The following CNTNAP2 variants were observed in gnomAD, a reference collection of about 807,000 sequenced individuals.
CNTNAP2 encodes contactin-associated protein-like 2.
Under a neutral mutation model 155.2 loss-of-function variants are expected in CNTNAP2, and 98 were observed. That is an observed-to-expected ratio of 0.63 (90% CI 0.54 to 0.75). The LOEUF (loss-of-function observed/expected upper bound fraction) is 0.75. CNTNAP2 is among the 30% of genes least tolerant of loss of function. CNTNAP2 has a pLI of 0.00. For missense variants in CNTNAP2, 1,727 were observed against 1,688.1 expected (o/e 1.02, Z -0.40); for synonymous variants, 651 against 631.2 (o/e 1.03, Z -0.47).
chr7:146,775,599 G>A lies in CNTNAP2; in HGVS notation c.208+1218G>A, dbSNP rs926410627. 4.6e-5 allele frequency among the ~76,000 whole-genome samples: 7 copies of A among 150,696 alleles called. No homozygotes were observed. In the East Asian group the frequency reaches 1.2e-3, roughly 25 times the overall value. On this transcript the variant is annotated intron_variant, in intron 2 of 23. Coordinates refer to ENST00000361727, the MANE Select transcript of CNTNAP2 (RefSeq NM_014141.6). ...GAAAGGGAGGGAGGGAGAGAGGAAG[G>A]AAGAAAGGAAGGAAGGAAGGAAGGA...
intron 21 of CNTNAP2, chr7:148,339,698 G>A (rs1387707001): frequency 6.6e-6 from 1 of 152,384 alleles, no homozygotes; most frequent in Admixed American, 6.5e-5. Flanking sequence ...TTGCAAGGGT[G>A]CGCTGCTCCA....
At chr7:146,931,957 C>A (rs1438257511) in intron 3 of CNTNAP2, among the ~76,000 whole-genome samples, 2 of 151,788 alleles carry the variant, frequency 1.3e-5, no homozygotes, top group Non-Finnish European at 2.9e-5. Context: ...AGCTTACCAA[C>A]CAAAAAGAGT....
intron 8 of CNTNAP2, among the ~76,000 whole-genome samples, chr7:147,173,851 G>A (rs13237218): frequency 0.082 from 12,513 of 152,210 alleles, 545 homozygotes; most frequent in Middle Eastern, 0.11. Context: ...GGCACCTGAG[G>A]TGGTTCTGAC....
At chr7:147,645,149 G>GT (rs1261890597) in intron 13 of CNTNAP2, among the ~76,000 whole-genome samples, 2 of 152,134 alleles carry the variant, frequency 1.3e-5, no homozygotes, top group Non-Finnish European at 2.9e-5. Context: ...AAAGTAAGCT[G>GT]TGTAAAATTC....
intron 6 of CNTNAP2, among the ~76,000 whole-genome samples, chr7:147,126,001 C>T (rs1801226119): frequency 6.6e-6 from 1 of 152,174 alleles, no homozygotes; most frequent in South Asian, 2.1e-4. Context: ...TAACATTTCA[C>T]TTTGCACTTC....
intron 15 of CNTNAP2, among the ~76,000 whole-genome samples, chr7:147,993,340 T>G (rs902126725): frequency 6.6e-6 from 1 of 152,248 alleles, no homozygotes; most frequent in Non-Finnish European, 1.5e-5. Context: ...GGTATCTTTA[T>G]TTATTCTTTA....
At chr7:146,502,558 T>C (rs1321776683) in intron 1 of CNTNAP2, among the ~76,000 whole-genome samples, 1 of 152,100 alleles carries the variant, frequency 6.6e-6, no homozygotes, top group African/African-American at 2.4e-5. Flanking sequence ...TATTATTTTC[T>C]GTCTTTTTGA....
intron 8 of CNTNAP2, among the ~76,000 whole-genome samples, chr7:147,179,699 A>C (rs908172954): frequency 1.1e-4 from 16 of 152,308 alleles, no homozygotes; most frequent in African/African-American, 3.8e-4. Context: ...GCCTATATTA[A>C]GTAGTTGGTA....
At chr7:148,193,720 A>T (rs1228833428) in intron 18 of CNTNAP2, among the ~76,000 whole-genome samples, 1 of 151,826 alleles carries the variant, frequency 6.6e-6, no homozygotes, top group African/African-American at 2.4e-5. Flanking sequence ...TCCTTATCTG[A>T]CCTTACCTCT....
chr7:147,111,903 A>G (rs956466008), intron 5 of CNTNAP2, among the ~76,000 whole-genome samples: 2 of 152,184 alleles, frequency 1.3e-5, no homozygotes, highest in Admixed American at 6.5e-5. Flanking sequence ...TCTCTGAAGA[A>G]TGGTCAATGG....
intron 8 of CNTNAP2, among the ~76,000 whole-genome samples, chr7:147,157,047 A>G (rs902684923): frequency 1.3e-5 from 2 of 152,108 alleles, no homozygotes; most frequent in Non-Finnish European, 1.5e-5. Flanking sequence ...GTCTCCAGGC[A>G]TGGCTTTTTG....
chr7:146,506,660 C>A (rs1021640334), intron 1 of CNTNAP2, among the ~76,000 whole-genome samples: 2 of 152,198 alleles, frequency 1.3e-5, no homozygotes, highest in African/African-American at 4.8e-5. Context: ...CTAGCTAATT[C>A]TGTAACTTTC....
intron 1 of CNTNAP2, among the ~76,000 whole-genome samples, chr7:146,283,224 A>T (rs1584846894): frequency 6.6e-6 from 1 of 152,240 alleles, no homozygotes; most frequent in South Asian, 2.1e-4. Context: ...AAACTTAAAA[A>T]CATCAAATAT....
chr7:146,992,579 C>T (rs1254379665), intron 3 of CNTNAP2, among the ~76,000 whole-genome samples: 1 of 152,102 alleles, frequency 6.6e-6, no homozygotes, highest in Non-Finnish European at 1.5e-5. Flanking sequence ...CAGGCTCCTG[C>T]CCCCTGCAAA....
intron 1 of CNTNAP2, among the ~76,000 whole-genome samples, chr7:146,404,799 C>A (rs1180134547): frequency 6.6e-6 from 1 of 152,056 alleles, no homozygotes; most frequent in Admixed American, 6.5e-5. Flanking sequence ...GGCTTCAAAG[C>A]CTCCCAAACT....
intron 10 of CNTNAP2, among the ~76,000 whole-genome samples, chr7:147,442,961 C>T (rs778200485): frequency 1.5e-4 from 23 of 152,204 alleles, no homozygotes; most frequent in Middle Eastern, 6.8e-3. Flanking sequence ...GTTAGTTGTA[C>T]AGCCTGGAAT....
intron 15 of CNTNAP2, among the ~76,000 whole-genome samples, chr7:148,052,070 C>G (rs1047813804): frequency 6.8e-6 from 1 of 146,328 alleles, no homozygotes; most frequent in African/African-American, 2.5e-5. Flanking sequence ...ACCCAGGAGG[C>G]GGAGCTTGCA....
At chr7:148,084,352 T>G in intron 15 of CNTNAP2, among the ~76,000 whole-genome samples, 1 of 152,274 alleles carries the variant, frequency 6.6e-6, no homozygotes, top group East Asian at 1.9e-4. Flanking sequence ...GAGCAGATCT[T>G]TCTATTAAAC....
chr7:146,712,250 C>T (rs181757488), intron 1 of CNTNAP2, among the ~76,000 whole-genome samples: 13 of 100,764 alleles, frequency 1.3e-4, no homozygotes, highest in Non-Finnish European at 2.6e-4. Flanking sequence ...CTTATGTATA[C>T]AAATATGTAT....
Sources: gnomAD v4.1 joint callset for allele counts (sites outside exome capture counted in the v4.1 genomes callset) on GRCh38, gnomAD v4.1.1 for gene constraint, MANE v1.5 for transcripts, NCBI Gene and HGNC (gene_info 2026-07-23, HGNC 2026-07-21) for gene names.